Variants in NEGR1 observed in about 807,000 individuals in gnomAD.
NEGR1 encodes IgLON family member 4.
Under a neutral mutation model 40.9 loss-of-function variants are expected in NEGR1, and 10 were observed. The ratio of observed to expected loss-of-function variants is 0.24; its 90% CI spans 0.15 to 0.42. The LOEUF is 0.42. NEGR1 is among the 10% of genes least tolerant of loss of function. The pLI is 1.00. For missense variants in NEGR1, 352 were observed against 438.9 expected (o/e 0.80, Z 1.77); for synonymous variants, 185 against 166.8 (o/e 1.11, Z -0.84).
intron 6 of NEGR1, among the ~76,000 whole-genome samples, chr1:71,484,348 T>A (rs1415919349): frequency 6.6e-6 from 1 of 151,660 alleles, no homozygotes; most frequent in Non-Finnish European, 1.5e-5. Flanking sequence ...TGTTATTGCC[T>A]GTAACCCTTA....
intron 1 of NEGR1, among the ~76,000 whole-genome samples, chr1:71,943,131 ATG>A (rs765454868): frequency 7.7e-4 from 111 of 144,594 alleles, no homozygotes; most frequent in Admixed American, 1.4e-3. Context: ...ACATATGTGT[ATG>A]TGTGTGTATA....
At chr1:71,603,846 G>T (rs1254231082) in intron 5 of NEGR1, among the ~76,000 whole-genome samples, 1 of 152,082 alleles carries the variant, frequency 6.6e-6, no homozygotes, top group Non-Finnish European at 1.5e-5. Context: ...GTAAAAATCA[G>T]TATGGAAATA....
intron 6 of NEGR1, among the ~76,000 whole-genome samples, chr1:71,534,081 ACTCTC>A (rs1192693834): frequency 2.0e-5 from 3 of 151,484 alleles, no homozygotes; most frequent in Non-Finnish European, 4.4e-5. Flanking sequence ...TTGCCTTGGG[ACTCTC>A]CTCTGTTCAA....
intron 6 of NEGR1, among the ~76,000 whole-genome samples, chr1:71,500,297 C>G (rs750919782): frequency 6.6e-6 from 1 of 151,740 alleles, no homozygotes; most frequent in Non-Finnish European, 1.5e-5. Flanking sequence ...TATGTACGGC[C>G]AAATTAATGA....
In NEGR1 at chr1:72,058,834, GTTTCC is replaced by G. The variant is rs150244216; in HGVS notation, c.177-123528_177-123524del. 7.8e-3 allele frequency among the ~76,000 whole-genome samples: 1,179 copies of G among 151,698 alleles called. 12 individuals carry two copies. Among genetic ancestry groups the G allele is most frequent in the African/African-American group, 0.027 (1,101 of 41,446 alleles). On this transcript the variant is annotated intron_variant, in intron 1 of 6. Transcript: ENST00000357731. ...TGAAAAGAATTAAAATGTTCAAATTGTTTCCTTTAATTCCTTTCATGCACTTTTGT... is the reference window on the plus strand; with the variant it reads ...TGAAAAGAATTAAAATGTTCAAATTGTTTAATTCCTTTCATGCACTTTTGT...
Position 71,702,726 on chromosome 1 carries a change from T to TAAA in NEGR1, c.536-4590_536-4588dup, listed in dbSNP as rs5775082. On this transcript the variant is annotated intron_variant, in intron 3 of 6. Transcript: ENST00000357731. ...CACTAAAGAATGAGCAAAACTTATT[T>TAAA]AAAAAAAAAAAAAAAACACTTTCAG... 1.8e-3 allele frequency among the ~76,000 whole-genome samples: 252 copies of TAAA among 141,870 alleles called. 1 individual carries two copies. Among genetic ancestry groups the TAAA allele is most frequent in the Admixed American group, 3.4e-3 (49 of 14,268 alleles). 93.1% of individuals were successfully genotyped at this position (141,870 alleles called of 152,430 possible).
intron 1 of NEGR1, among the ~76,000 whole-genome samples, chr1:72,059,203 C>A (rs1004531802): frequency 6.6e-6 from 1 of 151,504 alleles, no homozygotes; most frequent in Non-Finnish European, 1.5e-5. Context: ...AAAACTTGAG[C>A]CTTATATATT....
At chr1:72,160,641 C>T (rs75809418) in intron 1 of NEGR1, among the ~76,000 whole-genome samples, 158 of 152,196 alleles carry the variant, frequency 1.0e-3, no homozygotes, top group African/African-American at 3.7e-3. Context: ...ATGATTCTCG[C>T]TCCTGAAAAT....
chr1:71,481,796 C>T (rs982886365), intron 6 of NEGR1, among the ~76,000 whole-genome samples: 3 of 151,750 alleles, frequency 2.0e-5, no homozygotes, highest in Non-Finnish European at 2.9e-5. Flanking sequence ...TAGTTATTTA[C>T]TTCCTTTATT....
At chr1:72,083,426 A>AT (rs1648083677) in intron 1 of NEGR1, among the ~76,000 whole-genome samples, 1 of 152,012 alleles carries the variant, frequency 6.6e-6, no homozygotes, top group South Asian at 2.1e-4. Context: ...AGGTGAAATC[A>AT]TAGCACATTA....
intron 2 of NEGR1, among the ~76,000 whole-genome samples, chr1:71,849,174 AT>A (rs1659521756): frequency 6.6e-6 from 1 of 152,158 alleles, no homozygotes; most frequent in South Asian, 2.1e-4. Context: ...GGTAAAGTAA[AT>A]TGAATACCTT....
intron 1 of NEGR1, among the ~76,000 whole-genome samples, chr1:72,113,980 T>C (rs1437876488): frequency 6.6e-6 from 1 of 151,742 alleles, no homozygotes; most frequent in Non-Finnish European, 1.5e-5. Flanking sequence ...TAAACACTTG[T>C]GTAATGTTAT....
At chr1:71,924,046 C>T (rs555926205) in intron 2 of NEGR1, among the ~76,000 whole-genome samples, 8 of 152,086 alleles carry the variant, frequency 5.3e-5, no homozygotes, top group Non-Finnish European at 8.8e-5. Context: ...GTAGCTGGGA[C>T]CACAGCAGCT....
At chr1:71,472,840 T>G (rs1646790878) in intron 6 of NEGR1, among the ~76,000 whole-genome samples, 1 of 151,850 alleles carries the variant, frequency 6.6e-6, no homozygotes, top group Non-Finnish European at 1.5e-5. Flanking sequence ...GAAATAAAAT[T>G]AAAAGTATAC....
intron 1 of NEGR1, among the ~76,000 whole-genome samples, chr1:71,999,343 G>A (rs1383274936): frequency 1.3e-5 from 2 of 151,666 alleles, no homozygotes; most frequent in African/African-American, 4.8e-5. Flanking sequence ...AGTTCCCACA[G>A]ACAGTCTTGA....
chr1:71,682,202 C>CT lies in NEGR1; in HGVS notation c.667+15805dup, dbSNP rs751508064. On this transcript the variant is annotated intron_variant, in intron 4 of 6. Transcript: ENST00000357731. ...TTTAGTTATATCTAACACATATTTTCTTTTTTTTTTCAGTTGTAAGCTTTT... is the reference window on the plus strand; with the variant it reads ...TTTAGTTATATCTAACACATATTTTCTTTTTTTTTTTCAGTTGTAAGCTTTT... 5.8e-3 allele frequency among the ~76,000 whole-genome samples: 866 copies of CT among 148,778 alleles called. 1 individual carries two copies. Among genetic ancestry groups the CT allele is most frequent in the Middle Eastern group, 7.0e-3 (2 of 284 alleles).
intron 6 of NEGR1, among the ~76,000 whole-genome samples, chr1:71,450,810 G>A (rs1646621710): frequency 1.3e-5 from 2 of 150,712 alleles, no homozygotes; most frequent in African/African-American, 4.9e-5. Flanking sequence ...CTCGGTCTCA[G>A]GGAAAAAAAG....
chr1:72,245,666 A>G (rs1654879436), intron 1 of NEGR1, among the ~76,000 whole-genome samples: 1 of 152,194 alleles, frequency 6.6e-6, no homozygotes, highest in Admixed American at 6.6e-5. Flanking sequence ...TTCAAACACT[A>G]ATTTTAAACA....
chr1:71,949,572 T>C (rs902366083), intron 1 of NEGR1, among the ~76,000 whole-genome samples: 1 of 152,140 alleles, frequency 6.6e-6, no homozygotes, highest in African/African-American at 2.4e-5. Flanking sequence ...CATATTCTAC[T>C]GGAACAAAGA....
Sources: gnomAD v4.1 joint callset for allele counts (sites outside exome capture counted in the v4.1 genomes callset) on GRCh38, gnomAD v4.1.1 for gene constraint, MANE v1.5 for transcripts, NCBI Gene and HGNC (gene_info 2026-07-23, HGNC 2026-07-21) for gene names.